OSBPL6: variants seen among roughly 807,000 people sequenced by gnomAD.
OSBPL6 encodes oxysterol-binding protein-related protein 6.
In OSBPL6, 49 loss-of-function variants were observed where a neutral mutation model predicts 125.8. That is an observed-to-expected ratio of 0.39 (90% CI 0.31 to 0.49). OSBPL6 has a LOEUF of 0.49. OSBPL6 is among the 20% of genes least tolerant of loss of function. The pLI, the probability that OSBPL6 is intolerant of heterozygous loss-of-function variation, is 0.88. For synonymous variants in OSBPL6, 394 were observed against 391.8 expected (o/e 1.01, Z -0.07); for missense variants, 986 against 1,135.4 (o/e 0.87, Z 1.89).
intron 8 of OSBPL6, among the ~76,000 whole-genome samples, chr2:178,335,110 T>A (rs1337912241): frequency 1.3e-5 from 2 of 152,152 alleles, no homozygotes; most frequent in Non-Finnish European, 2.9e-5. Context: ...AAAATATAAA[T>A]TTTTAATTAC....
At chr2:178,239,973 A>G (rs921395588) in intron 1 of OSBPL6, among the ~76,000 whole-genome samples, 1 of 152,122 alleles carries the variant, frequency 6.6e-6, no homozygotes, top group Admixed American at 6.6e-5. Context: ...TTTGTTACAC[A>G]CAAATTTAAG....
At chr2:178,217,477 CAG>C (rs1455887895) in intron 1 of OSBPL6, among the ~76,000 whole-genome samples, 1 of 152,136 alleles carries the variant, frequency 6.6e-6, no homozygotes, top group Admixed American at 6.5e-5. Context: ...ATTTAGCACA[CAG>C]ACACACACGA....
At chr2:178,366,531 AAC>A (rs1174559946) in intron 13 of OSBPL6, among the ~76,000 whole-genome samples, 1 of 152,252 alleles carries the variant, frequency 6.6e-6, no homozygotes, top group Non-Finnish European at 1.5e-5. Flanking sequence ...AAGGAAAAAA[AAC>A]ACTGCTGTCA....
At chr2:178,261,910 C>G (rs1344439124) in intron 1 of OSBPL6, among the ~76,000 whole-genome samples, 1 of 152,168 alleles carries the variant, frequency 6.6e-6, no homozygotes, top group Non-Finnish European at 1.5e-5. Context: ...GTACAAACCC[C>G]TCATGTCCAC....
Position 178,332,634 on chromosome 2 carries a change from A to G in OSBPL6, c.373-7A>G. 1.3e-6 allele frequency: 2 copies of G among 1,599,586 alleles called. No individual in the cohort carries two copies. The highest frequency in any genetic ancestry group is 1.1e-5 in the South Asian group (1 of 90,770). Reference sequence around the variant, plus strand: ...TTTCAGCCTATTTACTAGTCTTTTGATTTCAGATTCAGAAAGGAAAGGTCC... The same window carrying G: ...TTTCAGCCTATTTACTAGTCTTTTGGTTTCAGATTCAGAAAGGAAAGGTCC... On this transcript the variant is annotated splice_polypyrimidine_tract_variant and splice_region_variant and intron_variant, in intron 6 of 24. Coordinates refer to ENST00000190611, the MANE Select transcript of OSBPL6 (RefSeq NM_032523.4).
intron 11 of OSBPL6, among the ~76,000 whole-genome samples, chr2:178,342,766 T>G (rs1690327162): frequency 6.6e-6 from 1 of 152,194 alleles, no homozygotes; most frequent in African/African-American, 2.4e-5. Flanking sequence ...CGGTTAGATC[T>G]CCTGTGTTGC....
At chr2:178,382,363 C>T in intron 15 of OSBPL6, 57 bp from the exon 16 acceptor site, 2 of 1,530,688 alleles carry the variant, frequency 1.3e-6, no homozygotes, top group Middle Eastern at 3.6e-4. Context: ...ATTTGATTAT[C>T]TGAGCTTGCA....
At chr2:178,389,982 C>G (rs1203413065) in intron 21 of OSBPL6, among the ~76,000 whole-genome samples, 1 of 151,886 alleles carries the variant, frequency 6.6e-6, no homozygotes, top group African/African-American at 2.4e-5. Flanking sequence ...TTTTCACTAC[C>G]TTTTTTCTTA....
At chr2:178,332,131 T>C (rs80211690) in intron 6 of OSBPL6, among the ~76,000 whole-genome samples, 7,607 of 152,200 alleles carry the variant, frequency 0.05, 241 homozygotes, top group South Asian at 0.15. Context: ...ACTGAAGGCT[T>C]AGGTTTCAGT....
chr2:178,339,323 A>G (rs1274195988), intron 10 of OSBPL6, among the ~76,000 whole-genome samples: 1 of 152,246 alleles, frequency 6.6e-6, no homozygotes, highest in Non-Finnish European at 1.5e-5. Context: ...AAAGAAATAC[A>G]TTCAGTATCT....
intron 15 of OSBPL6, 96 bp downstream of exon 15, chr2:178,374,123 A>AGC: frequency 1.4e-6 from 2 of 1,416,542 alleles, no homozygotes; most frequent in African/African-American, 2.9e-5. Flanking sequence ...GATTACTTTC[A>AGC]TTTGTTTTTT....
At chr2:178,288,042 T>G (rs1168828153) in intron 2 of OSBPL6, among the ~76,000 whole-genome samples, 1 of 152,040 alleles carries the variant, frequency 6.6e-6, no homozygotes, top group African/African-American at 2.4e-5. Context: ...AGAAAGAGTA[T>G]TCAACCCTGA....
intron 9 of OSBPL6, among the ~76,000 whole-genome samples, chr2:178,338,328 T>A (rs1238884618): frequency 1.3e-5 from 2 of 152,232 alleles, no homozygotes; most frequent in African/African-American, 2.4e-5. Flanking sequence ...TATTCTCTTG[T>A]ACTAAATAAA....
chr2:178,282,974 T>C (rs1684355005), intron 1 of OSBPL6, among the ~76,000 whole-genome samples: 1 of 152,158 alleles, frequency 6.6e-6, no homozygotes, highest in South Asian at 2.1e-4. Flanking sequence ...TTTCTATAGC[T>C]GACAATTCAT....
At chr2:178,344,610 C>T (rs1177197236) in intron 11 of OSBPL6, among the ~76,000 whole-genome samples, 1 of 152,032 alleles carries the variant, frequency 6.6e-6, no homozygotes, top group East Asian at 1.9e-4. Flanking sequence ...TAATTTAAGT[C>T]AAATTTGCAA....
In OSBPL6 at chr2:178,392,434, G is replaced by A; in HGVS notation, c.2469G>A (p.Glu823=). Residue 823 remains glutamate (E), a synonymous_variant, in exon 23 of 25, where the codon GAG becomes GAA. Coordinates refer to ENST00000190611, the MANE Select transcript of OSBPL6 (RefSeq NM_032523.4). ...WRPGSMPTNY[E]LYYGFTRFAI... is the part of the protein sequence containing the mutation. ...CAGGTTCCATGCCAACAAACTATGA[G>A]CTGTACTATGGCTTCACAAGGTTTG... The A allele has an allele frequency of 6.2e-7, 1 of 1,614,040 alleles. No homozygotes were observed. The highest frequency in any genetic ancestry group is 8.5e-7 in the Non-Finnish European group (1 of 1,179,942).
rs201079888 is a variant in OSBPL6 at position 178,391,027 on chromosome 2, G to A, written c.2302-46G>A. Reference sequence around the variant, plus strand: ...CTATATGGAAAATACAGGGAATGATGTTATTAAAGCCATCAAATGTCACAA... The same window carrying A: ...CTATATGGAAAATACAGGGAATGATATTATTAAAGCCATCAAATGTCACAA... On this transcript the variant is annotated intron_variant, in intron 21 of 24. Coordinates refer to ENST00000190611, the MANE Select transcript of OSBPL6 (RefSeq NM_032523.4). The A allele has an allele frequency of 1.2e-4, 196 of 1,598,012 alleles. No individual in the cohort carries two copies. The East Asian group carries it at 4.2e-3, about 34-fold the overall frequency.
chr2:178,256,419 A>C (rs1478941285), intron 1 of OSBPL6, among the ~76,000 whole-genome samples: 2 of 152,170 alleles, frequency 1.3e-5, no homozygotes, highest in Non-Finnish European at 2.9e-5. Flanking sequence ...TACCATAACA[A>C]AGGAACAAGT....
At chr2:178,231,611 C>G (rs534603748) in intron 1 of OSBPL6, among the ~76,000 whole-genome samples, 6 of 151,514 alleles carry the variant, frequency 4.0e-5, no homozygotes, top group Middle Eastern at 3.2e-3. Flanking sequence ...CCCTTTCCCC[C>G]ATCCTGACCA....
Sources: allele counts gnomAD v4.1 joint callset (sites outside exome capture counted in the v4.1 genomes callset), GRCh38; gene constraint gnomAD v4.1.1; transcripts MANE v1.5; gene names NCBI Gene and HGNC (gene_info 2026-07-23, HGNC 2026-07-21).